The following SLC35F3 variants were observed in gnomAD, a reference collection of about 807,000 sequenced individuals.
SLC35F3 encodes solute carrier family 35 member F3.
SLC35F3 carries 25 observed loss-of-function variants against 49.9 expected under a neutral mutation model. The observed-to-expected ratio is 0.50, with a 90% CI of 0.37 to 0.70. The LOEUF (loss-of-function observed/expected upper bound fraction) is 0.70. Ranked by LOEUF, SLC35F3 falls within the 30% of genes least tolerant of loss-of-function variation. The pLI, the probability that SLC35F3 is intolerant of heterozygous loss-of-function variation, is 0.00. For synonymous variants in SLC35F3, 275 were observed against 265.4 expected, an observed-to-expected ratio of 1.04 and a Z score of -0.35; for missense variants, 525 against 639.8, an observed-to-expected ratio of 0.82 and a Z score of 1.94.
chr1:234,133,102 T>G (rs1053009088), intron 2 of SLC35F3, among the ~76,000 whole-genome samples: 2 of 152,230 alleles, frequency 1.3e-5, no homozygotes, highest in Non-Finnish European at 2.9e-5. Flanking sequence ...TATGCCTGAC[T>G]CTGCACATAA....
intron 3 of SLC35F3, among the ~76,000 whole-genome samples, chr1:234,284,439 G>T (rs1307031429): frequency 2.6e-5 from 4 of 152,032 alleles, no homozygotes; most frequent in Admixed American, 1.3e-4. Flanking sequence ...TATTTCCTTC[G>T]CACTCTTCAT....
At chr1:233,953,693 T>TA (rs60231061) in intron 2 of SLC35F3, among the ~76,000 whole-genome samples, 23,085 of 152,062 alleles carry the variant, frequency 0.15, 2,571 homozygotes, top group African/African-American at 0.3. Context: ...CCTGCACAGA[T>TA]ACACGCACAT....
intron 2 of SLC35F3, among the ~76,000 whole-genome samples, chr1:234,150,368 CTG>C (rs1484897452): frequency 6.6e-6 from 1 of 151,106 alleles, no homozygotes; most frequent in East Asian, 1.9e-4. Context: ...GGCCTGGTGA[CTG>C]TGTCTTTCTC....
chr1:234,096,450 C>T (rs371902467), intron 2 of SLC35F3, among the ~76,000 whole-genome samples: 1 of 152,154 alleles, frequency 6.6e-6, no homozygotes, highest in African/African-American at 2.4e-5. Context: ...ATTTCATTGT[C>T]GATCTTCCAT....
chr1:234,163,599 C>T (rs1332577398), intron 2 of SLC35F3, among the ~76,000 whole-genome samples: 1 of 152,204 alleles, frequency 6.6e-6, no homozygotes, highest in Non-Finnish European at 1.5e-5. Context: ...CAGACTGGGG[C>T]TGCTATGCCT....
At chr1:233,936,967 C>T (rs574162072) in intron 2 of SLC35F3, among the ~76,000 whole-genome samples, 1 of 152,326 alleles carries the variant, frequency 6.6e-6, no homozygotes, top group East Asian at 1.9e-4. Context: ...GTTGAGATTA[C>T]AGGCGTGACC....
At chr1:234,282,012 G>A (rs1668335037) in intron 3 of SLC35F3, among the ~76,000 whole-genome samples, 1 of 152,010 alleles carries the variant, frequency 6.6e-6, no homozygotes, top group Non-Finnish European at 1.5e-5. Flanking sequence ...ATGTCCCCTG[G>A]TACGTCTTGT....
chr1:234,316,816 C>G, intron 5 of SLC35F3, 89 bp downstream of exon 5: 1 of 1,479,380 alleles, frequency 6.8e-7, no homozygotes, highest in Non-Finnish European at 9.2e-7. Flanking sequence ...TACTTTTCAA[C>G]AGCTTCTGAT....
intron 3 of SLC35F3, among the ~76,000 whole-genome samples, chr1:234,274,986 C>T (rs1046387575): frequency 2.0e-5 from 3 of 152,192 alleles, no homozygotes; most frequent in South Asian, 2.1e-4. Flanking sequence ...TTCCCACCCA[C>T]TCCTATTCTA....
At chr1:234,108,725 A>AT (rs1392926925) in intron 2 of SLC35F3, among the ~76,000 whole-genome samples, 3 of 72,250 alleles carry the variant, frequency 4.2e-5, no homozygotes, top group Non-Finnish European at 7.5e-5. Flanking sequence ...AGATATATAT[A>AT]AATATATATA....
intron 2 of SLC35F3, among the ~76,000 whole-genome samples, chr1:233,926,424 C>T (rs1404861310): frequency 3.3e-5 from 5 of 152,098 alleles, no homozygotes; most frequent in South Asian, 4.2e-4. Context: ...TTGATTGAAT[C>T]GGCTACTGAA....
chr1:234,011,738 A>G (rs1411765843), intron 2 of SLC35F3, among the ~76,000 whole-genome samples: 1 of 152,192 alleles, frequency 6.6e-6, no homozygotes, highest in African/African-American at 2.4e-5. Context: ...TTTCTTATCA[A>G]TGTTATCATG....
Position 234,273,350 on chromosome 1 carries a change from C to T in SLC35F3, c.609-35751C>T, listed in dbSNP as rs189684638. On this transcript the variant is annotated intron_variant, in intron 3 of 7. Transcript: ENST00000366618. ...GATGACTGCCCAGAAGGGCCCACAC[C>T]GGTGTGAGTGGTACAGGGGATGCAG... is the stretch of plus-strand genomic sequence containing the variant. Among the ~76,000 whole-genome samples, 374 of 152,328 alleles carry T rather than the reference C, an allele frequency of 2.5e-3. 1 individual carries two copies. The highest frequency in any genetic ancestry group is 8.5e-3 in the African/African-American group (354 of 41,578).
chr1:234,019,147 C>A (rs571481696), intron 2 of SLC35F3, among the ~76,000 whole-genome samples: 1 of 152,322 alleles, frequency 6.6e-6, no homozygotes, highest in African/African-American at 2.4e-5. Flanking sequence ...AGGAGACTTT[C>A]TGACAGCTCC....
intron 2 of SLC35F3, among the ~76,000 whole-genome samples, chr1:233,913,557 C>T (rs1464182947): frequency 1.3e-5 from 2 of 152,216 alleles, no homozygotes; most frequent in Non-Finnish European, 2.9e-5. Context: ...GCACATAGAA[C>T]TCTGGTGATT....
chr1:234,073,739 CTG>C (rs923221645), intron 2 of SLC35F3, among the ~76,000 whole-genome samples: 9 of 152,192 alleles, frequency 5.9e-5, no homozygotes, highest in Admixed American at 1.3e-4. Context: ...CCAGTATAAA[CTG>C]TGAAACCACT....
chr1:234,130,928 A>G (rs141502832), intron 2 of SLC35F3, among the ~76,000 whole-genome samples: 1 of 129,296 alleles, frequency 7.7e-6, no homozygotes, highest in African/African-American at 2.5e-5. Context: ...TTGTGACAAT[A>G]GAATGGATAA....
intron 2 of SLC35F3, among the ~76,000 whole-genome samples, chr1:234,013,209 A>G (rs1237876503): frequency 6.6e-6 from 1 of 152,224 alleles, no homozygotes; most frequent in Non-Finnish European, 1.5e-5. Flanking sequence ...AGGAGTAAAA[A>G]TTAAACAACA....
At chr1:233,920,428 G>C (rs60861221) in intron 2 of SLC35F3, among the ~76,000 whole-genome samples, 1 of 151,972 alleles carries the variant, frequency 6.6e-6, no homozygotes, top group East Asian at 1.9e-4. Context: ...AGGAGAGATG[G>C]TGACTACTCA....
Sources: allele counts gnomAD v4.1 joint callset (sites outside exome capture counted in the v4.1 genomes callset), GRCh38; gene constraint gnomAD v4.1.1; transcripts MANE v1.5; gene names NCBI Gene and HGNC (gene_info 2026-07-23, HGNC 2026-07-21).